Variants in PODN observed in about 807,000 individuals in gnomAD.
PODN encodes the protein podocan.
A neutral mutation model predicts 52.7 loss-of-function variants in PODN; 40 were observed. The observed-to-expected ratio is 0.76, with a 90% CI of 0.59 to 0.99. The LOEUF (loss-of-function observed/expected upper bound fraction) is 0.99. Ranked by LOEUF, PODN falls within the 50% of genes least tolerant of loss-of-function variation. The pLI is 0.00. For missense variants in PODN, 720 were observed against 815.1 expected, an observed-to-expected ratio of 0.88 and a Z score of 1.42; for synonymous variants, 396 against 377.9, an observed-to-expected ratio of 1.05 and a Z score of -0.56.
rs766462658 is a variant in PODN, at chr1:53,078,488, G to A, written c.978G>A (p.Ala326=). The A allele has an allele frequency of 2.3e-5, 37 of 1,613,338 alleles. No individual in the cohort carries two copies. Among genetic ancestry groups the A allele is most frequent in the Middle Eastern group, 1.6e-4 (1 of 6,062 alleles). Reference sequence around the variant, plus strand: ...AGAACGCCATCCGGAGCGTGGACGCGAATGTGCTGACCCCCATCCGCAGCC... The same window carrying A: ...AGAACGCCATCCGGAGCGTGGACGCAAATGTGCTGACCCCCATCCGCAGCC... ...LEKNAIRSVD[A]NVLTPIRSLE... is the part of the protein sequence containing the mutation. The change falls in exon 8 of 11, where the codon GCG becomes GCA. Residue 326 remains alanine, a synonymous_variant. Transcript: ENST00000312553.
Position 53,062,320 on chromosome 1 carries a change from T to C in PODN, c.-56+12T>C, listed in dbSNP as rs1643969214. 5.6e-6 allele frequency: 7 copies of C among 1,246,074 alleles called. No homozygotes were observed. 77.2% of individuals were successfully genotyped at this position (1,246,074 alleles called of 1,614,324 possible). On this transcript the variant is annotated intron_variant, in intron 1 of 10. Transcript: ENST00000312553. ...CCGGGGCGCAGCAGGTACAGGGCGC[T>C]GGCAGCCGGGGTGGGCCGAGGGGCC...
Position 53,080,263 on chromosome 1 carries a change from C to T in PODN, c.1513-465C>T, listed in dbSNP as rs1211165814. On this transcript the variant is annotated intron_variant, in intron 8 of 10. Coordinates refer to ENST00000312553, the MANE Select transcript of PODN (RefSeq NM_153703.5). ...CCCTGAGGTCCATAAGTGAGCAGTCCCACTCAAGCAGCTCCCACTGCACCC... is the reference window on the plus strand; with the variant it reads ...CCCTGAGGTCCATAAGTGAGCAGTCTCACTCAAGCAGCTCCCACTGCACCC... Among the ~76,000 whole-genome samples, 6 of 152,202 alleles carry T rather than the reference C, an allele frequency of 3.9e-5. No individual in the cohort carries two copies. In the East Asian group the frequency reaches 9.6e-4, roughly 24 times the overall value.
At position 53,082,121 on chromosome 1, in the gene PODN, A is replaced by C. The variant is rs555941422; in HGVS notation, c.1802A>C (p.Glu601Ala). The C allele has an allele frequency of 6.2e-7, 1 of 1,612,604 alleles. No individual in the cohort carries two copies. Among genetic ancestry groups the C allele is most frequent in the African/African-American group, 1.3e-5 (1 of 74,556 alleles). ...DRGRLGKEKEEEEEEEEEEEE... is the reference protein window; with the variant it reads ...DRGRLGKEKEAEEEEEEEEEE... Reference sequence around the variant, plus strand: ...GGCCGCTTGGGGAAGGAAAAGGAGGAGGAGGAAGAGGAGGAGGAGGAGGAA... The same window carrying C: ...GGCCGCTTGGGGAAGGAAAAGGAGGCGGAGGAAGAGGAGGAGGAGGAGGAA... Residue 601 changes from glutamate to alanine, a missense_variant, in exon 10 of 11, where the codon GAG becomes GCG. Physicochemically the swap from Glu to Ala is moderately radical, Grantham distance 107. Transcript: ENST00000312553.
intron 10 of PODN, among the ~76,000 whole-genome samples, chr1:53,083,710 C>T (rs1039049445): frequency 9.2e-5 from 14 of 152,218 alleles, no homozygotes; most frequent in East Asian, 1.9e-4. Flanking sequence ...GTGTGTTGGC[C>T]GGAGGCTGGC....
At chr1:53,075,814 G>A in intron 4 of PODN, 48 bp from the exon 5 acceptor site, 1 of 1,488,316 alleles carries the variant, frequency 6.7e-7, no homozygotes, top group Non-Finnish European at 9.2e-7. Context: ...CCCACAGCTG[G>A]CCTCTGCTCC....
At chr1:53,073,350 T>G (rs1644147379) in intron 3 of PODN, 1 of 154,354 alleles carries the variant, frequency 6.5e-6, no homozygotes, top group Admixed American at 6.5e-5. Flanking sequence ...TCCCTGATCT[T>G]CATCATGTGA....
At chr1:53,082,333 A>G (rs1457610443) in intron 10 of PODN, 145 bp downstream of exon 10, 13 of 1,207,534 alleles carry the variant, frequency 1.1e-5, no homozygotes, top group African/African-American at 9.4e-5. Flanking sequence ...AGCACTTGGG[A>G]TGTACCAGGC....
chr1:53,083,593 G>T (rs928322334), intron 10 of PODN, among the ~76,000 whole-genome samples: 2 of 152,266 alleles, frequency 1.3e-5, no homozygotes, highest in African/African-American at 4.8e-5. Context: ...CTGTGCAGCA[G>T]GGAGGTTCTC....
At chr1:53,070,283 C>T in intron 2 of PODN, 116 bp downstream of exon 2, 1 of 1,475,654 alleles carries the variant, frequency 6.8e-7, no homozygotes, top group South Asian at 1.3e-5. Flanking sequence ...ATATGTGCGG[C>T]TCTCCACTCC....
At chr1:53,082,651 T>G (rs541222546) in intron 10 of PODN, among the ~76,000 whole-genome samples, 1 of 152,300 alleles carries the variant, frequency 6.6e-6, no homozygotes, top group East Asian at 1.9e-4. Flanking sequence ...TGCACATGTA[T>G]GTAACACAGG....
intron 1 of PODN, among the ~76,000 whole-genome samples, chr1:53,067,543 C>T (rs1453772263): frequency 6.6e-6 from 1 of 152,054 alleles, no homozygotes. Flanking sequence ...ACAGCCACCA[C>T]AGGGCAGCAG....
rs1056132039 is a variant in PODN at position 53,065,610 on chromosome 1, C to T, written c.-56+3302C>T. Among the ~76,000 whole-genome samples, 8 of 152,204 alleles carry T rather than the reference C, an allele frequency of 5.3e-5. No individual in the cohort carries two copies. In the East Asian group the frequency reaches 7.7e-4, roughly 15 times the overall value. The stretch of plus-strand genomic sequence containing the variant: ...CTCACCTGTCCCAATTGCGCACCCT[C>T]GTGTCCACCCACAAACCTGCCTGTG... On this transcript the variant is annotated intron_variant, in intron 1 of 10. Transcript: ENST00000312553.
At chr1:53,078,194 C>T (rs528496518) in intron 7 of PODN, among the ~76,000 whole-genome samples, 171 bp from the exon 8 acceptor site, 2 of 152,298 alleles carry the variant, frequency 1.3e-5, no homozygotes, top group South Asian at 4.1e-4. Flanking sequence ...CTTCCTACAC[C>T]AGAATATCAT....
At chr1:53,063,081 G>T (rs991427485) in intron 1 of PODN, among the ~76,000 whole-genome samples, 3 of 152,184 alleles carry the variant, frequency 2.0e-5, no homozygotes, top group African/African-American at 7.2e-5. Flanking sequence ...CCGAGCCACA[G>T]CCCGGCCTGG....
In PODN at chr1:53,078,928, G is replaced by T. The variant is rs1340140360; in HGVS notation, c.1418G>T (p.Gly473Val). Residue 473 changes from glycine (G) to valine (V), a missense_variant, in exon 8 of 11, where the codon GGC (glycine) becomes GTC (valine). Physicochemically the swap from Gly to Val is moderately radical, Grantham distance 109. Coordinates refer to ENST00000312553, the MANE Select transcript of PODN (RefSeq NM_153703.5). ...LAALARGALVGMAQLRELYLT... is the reference protein window; with the variant it reads ...LAALARGALVVMAQLRELYLT... ...GCCTTGGCACGAGGGGCGCTGGTGG[G>T]CATGGCTCAGCTGCGTGAGCTGTAC... The T allele has an allele frequency of 1.3e-6, 2 of 1,590,486 alleles. No homozygotes were observed. Among genetic ancestry groups the T allele is most frequent in the Non-Finnish European group, 1.7e-6 (2 of 1,168,966 alleles).
chr1:53,062,700 C>T (rs1825075), intron 1 of PODN, among the ~76,000 whole-genome samples: 7,210 of 152,272 alleles, frequency 0.047, 532 homozygotes, highest in African/African-American at 0.16. Context: ...TCATGAGAGC[C>T]TGGGCCCGAA....
At chr1:53,063,603 AG>A in intron 1 of PODN, 6 of 984,284 alleles carry the variant, frequency 6.1e-6, no homozygotes, top group Non-Finnish European at 6.0e-6. Context: ...GGGAAAGACC[AG>A]GGGGGACTGC....
chr1:53,074,337 C>T (rs1644161941), intron 3 of PODN, among the ~76,000 whole-genome samples: 1 of 152,234 alleles, frequency 6.6e-6, no homozygotes, highest in African/African-American at 2.4e-5. Flanking sequence ...TGCTCTGCTG[C>T]TGGCCTGACC....
intron 4 of PODN, among the ~76,000 whole-genome samples, chr1:53,075,539 C>G (rs759841534): frequency 6.6e-6 from 1 of 152,230 alleles, no homozygotes; most frequent in Non-Finnish European, 1.5e-5. Context: ...AAGTCACACC[C>G]ATCGCTTCTT....
Sources: gnomAD v4.1 joint callset for allele counts (sites outside exome capture counted in the v4.1 genomes callset) on GRCh38, gnomAD v4.1.1 for gene constraint, MANE v1.5 for transcripts, NCBI Gene and HGNC (gene_info 2026-07-23, HGNC 2026-07-21) for gene names.